Variants in ARHGAP12 observed in about 807,000 individuals in gnomAD.
ARHGAP12 encodes the protein rho GTPase-activating protein 12.
Under a neutral mutation model 108.6 loss-of-function variants are expected in ARHGAP12, and 64 were observed. That is an observed-to-expected ratio of 0.59 (90% CI 0.48 to 0.73). ARHGAP12 has a LOEUF of 0.73. Ranked by LOEUF, ARHGAP12 falls within the 30% of genes least tolerant of loss-of-function variation. The pLI, the probability that ARHGAP12 is intolerant of heterozygous loss-of-function variation, is 0.00. For synonymous variants in ARHGAP12, 312 were observed against 337.2 expected, an observed-to-expected ratio of 0.93 and a Z score of 0.82; for missense variants, 940 against 1,005.9, an observed-to-expected ratio of 0.93 and a Z score of 0.89.
At position 31,852,513 on chromosome 10, in the gene ARHGAP12, T is replaced by C. The variant is rs1339221018; in HGVS notation, c.1170+4A>G. The C allele has an allele frequency of 6.3e-7, 1 of 1,599,448 alleles. No individual in the cohort carries two copies. The highest frequency in any genetic ancestry group is 8.6e-7 in the Non-Finnish European group (1 of 1,166,948). ...AATAGAAATTCGGTGTCAAGGTTTA[T>C]TACCTTTGGCAATTCCCATTCTGAC... is the stretch of plus-strand genomic sequence containing the variant. On this transcript the variant is annotated splice_donor_region_variant and intron_variant, in intron 6 of 19. Transcript: ENST00000344936.
chr10:31,904,617 G>C (rs1227626821), intron 3 of ARHGAP12, among the ~76,000 whole-genome samples: 3 of 152,068 alleles, frequency 2.0e-5, no homozygotes, highest in African/African-American at 7.2e-5. Flanking sequence ...GGGTACAAGA[G>C]ACCTGTCCAA....
At chr10:31,880,088 G>A (rs548575968) in intron 3 of ARHGAP12, among the ~76,000 whole-genome samples, 2 of 152,232 alleles carry the variant, frequency 1.3e-5, no homozygotes, top group Middle Eastern at 3.4e-3. Flanking sequence ...AACTGTGCAC[G>A]ATACAAGGTA....
intron 3 of ARHGAP12, among the ~76,000 whole-genome samples, chr10:31,887,530 C>T (rs1344122835): frequency 6.6e-6 from 1 of 152,052 alleles, no homozygotes; most frequent in Non-Finnish European, 1.5e-5. Flanking sequence ...TATCTGTTGT[C>T]AAAGGGTTGT....
At chr10:31,849,636 T>C (rs1329130465) in intron 6 of ARHGAP12, among the ~76,000 whole-genome samples, 1 of 152,222 alleles carries the variant, frequency 6.6e-6, no homozygotes, top group African/African-American at 2.4e-5. Context: ...TTTCCTTATT[T>C]CCTCATTTCC....
chr10:31,862,268 A>T (rs1356210404), intron 3 of ARHGAP12, among the ~76,000 whole-genome samples: 1 of 152,228 alleles, frequency 6.6e-6, no homozygotes, highest in Non-Finnish European at 1.5e-5. Flanking sequence ...AGAGGCTATA[A>T]ACAAATCATT....
chr10:31,814,480 T>G lies in ARHGAP12; in HGVS notation c.1732-119A>C, dbSNP rs1835130826. On this transcript the variant is annotated intron_variant, in intron 13 of 19. Transcript: ENST00000344936. ...CTTCCAAACAATTTTAGGAAACCAATTAGTATACAGTATGTATGACTTAGA... is the reference window on the plus strand; with the variant it reads ...CTTCCAAACAATTTTAGGAAACCAAGTAGTATACAGTATGTATGACTTAGA... 1.3e-5 allele frequency: 10 copies of G among 773,906 alleles called. 1 individual carries two copies. In the South Asian group the frequency reaches 1.6e-4, roughly 12 times the overall value. The allele number at this position is 773,906 out of a possible 1,614,324, so 47.9% of individuals were successfully genotyped here. A position where few individuals can be genotyped will look rare whatever the true frequency, so the allele number is the denominator to read the frequency against.
chr10:31,911,105 G>T (rs1839325035), intron 1 of ARHGAP12, among the ~76,000 whole-genome samples: 1 of 152,004 alleles, frequency 6.6e-6, no homozygotes, highest in African/African-American at 2.4e-5. Context: ...CTCACTGCAG[G>T]CTCTGCCTCC....
At chr10:31,922,180 CAAAAAAAAAAAA>C (rs56210740) in intron 1 of ARHGAP12, among the ~76,000 whole-genome samples, 1 of 66,120 alleles carries the variant, frequency 1.5e-5, no homozygotes, top group African/African-American at 6.4e-5. Flanking sequence ...GACCCTGCCT[CAAAAAAAAAAAA>C]AAAAAAAAAA....
intron 3 of ARHGAP12, among the ~76,000 whole-genome samples, chr10:31,890,472 G>C (rs1383264647): frequency 6.6e-6 from 1 of 152,116 alleles, no homozygotes; most frequent in Non-Finnish European, 1.5e-5. Context: ...AAAGAAGACT[G>C]AGCCCCTAAA....
At chr10:31,891,267 T>C (rs958410744) in intron 3 of ARHGAP12, among the ~76,000 whole-genome samples, 5 of 152,254 alleles carry the variant, frequency 3.3e-5, no homozygotes, top group Non-Finnish European at 7.3e-5. Context: ...TATGAATATA[T>C]ATGCCAACAT....
chr10:31,892,056 C>T (rs573532075), intron 3 of ARHGAP12, among the ~76,000 whole-genome samples: 3 of 151,778 alleles, frequency 2.0e-5, no homozygotes, highest in South Asian at 2.1e-4. Context: ...GAATTTTGAT[C>T]GTCGGAGAGA....
At chr10:31,823,086 T>C (rs966937373) in intron 11 of ARHGAP12, among the ~76,000 whole-genome samples, 1 of 152,178 alleles carries the variant, frequency 6.6e-6, no homozygotes, top group Non-Finnish European at 1.5e-5. Flanking sequence ...GCACAACATA[T>C]GTCATGTCAC....
intron 13 of ARHGAP12, among the ~76,000 whole-genome samples, 180 bp from the exon 14 acceptor site, chr10:31,814,541 T>A (rs1165929974): frequency 6.6e-6 from 1 of 152,182 alleles, no homozygotes; most frequent in Non-Finnish European, 1.5e-5. Flanking sequence ...CTAGATGGCA[T>A]CAATTTTGAT....
chr10:31,908,909 C>G lies in ARHGAP12; in HGVS notation c.-54G>C, dbSNP rs182122306. 2.0e-4 allele frequency: 291 copies of G among 1,442,330 alleles called. No homozygotes were observed. The highest frequency in any genetic ancestry group is 1.5e-3 in the South Asian group (111 of 73,504). 89.3% of individuals were successfully genotyped at this position (1,442,330 alleles called of 1,614,324 possible). ...GTTATACCACATTATGGCTTTATGG[C>G]TTGTTGGATGAATATAGCTGTTTTA... On this transcript the variant is annotated 5_prime_UTR_variant, in exon 3 of 20. Transcript: ENST00000344936.
At chr10:31,848,838 T>C (rs957024951) in intron 6 of ARHGAP12, among the ~76,000 whole-genome samples, 5 of 152,168 alleles carry the variant, frequency 3.3e-5, no homozygotes, top group Non-Finnish European at 7.4e-5. Flanking sequence ...TCTGGGAGGC[T>C]GAGGTGGGCA....
intron 4 of ARHGAP12, among the ~76,000 whole-genome samples, chr10:31,854,851 AG>A (rs1836825277): frequency 6.6e-6 from 1 of 151,200 alleles, no homozygotes; most frequent in African/African-American, 2.4e-5. Flanking sequence ...TATAGGGGCC[AG>A]GAACGGTGGC....
chr10:31,900,700 A>C (rs560653551), intron 3 of ARHGAP12, among the ~76,000 whole-genome samples: 1 of 152,348 alleles, frequency 6.6e-6, no homozygotes, highest in South Asian at 2.1e-4. Flanking sequence ...TGAGGGAAGG[A>C]AGGTGAAACA....
chr10:31,868,116 T>C (rs1328966493), intron 3 of ARHGAP12, among the ~76,000 whole-genome samples: 1 of 151,882 alleles, frequency 6.6e-6, no homozygotes, highest in Non-Finnish European at 1.5e-5. Context: ...GAGAATCACT[T>C]GAACCCTGGG....
chr10:31,914,464 T>C (rs1223936316), intron 1 of ARHGAP12, among the ~76,000 whole-genome samples: 2 of 150,530 alleles, frequency 1.3e-5, no homozygotes, highest in African/African-American at 2.4e-5. Context: ...AAACAAATAA[T>C]CCAATTTAAC....
Sources: gnomAD v4.1 joint callset for allele counts (sites outside exome capture counted in the v4.1 genomes callset) on GRCh38, gnomAD v4.1.1 for gene constraint, MANE v1.5 for transcripts, NCBI Gene and HGNC (gene_info 2026-07-23, HGNC 2026-07-21) for gene names.